Variants in SPG11 observed in about 807,000 individuals in gnomAD.
SPG11 encodes spatacsin.
A neutral mutation model predicts 274.0 loss-of-function variants in SPG11; 222 were observed. That is an observed-to-expected ratio of 0.81 (90% CI 0.73 to 0.91). The LOEUF (loss-of-function observed/expected upper bound fraction) is 0.91. Ranked by LOEUF, SPG11 falls within the 40% of genes least tolerant of loss-of-function variation. SPG11 has a pLI of 0.00. For missense variants in SPG11, 3,114 were observed against 2,872.7 expected, an observed-to-expected ratio of 1.08 and a Z score of -1.92; for synonymous variants, 1,144 against 1,039.7, an observed-to-expected ratio of 1.10 and a Z score of -1.93.
chr15:44,653,707 A>G (rs1364665540), intron 4 of SPG11, among the ~76,000 whole-genome samples: 1 of 152,168 alleles, frequency 6.6e-6, no homozygotes, highest in African/African-American at 2.4e-5. Flanking sequence ...CTGGATGTGG[A>G]TCTAATACCA....
rs781557927 is a variant in SPG11 at position 44,573,578 on chromosome 15, T to C, written c.6174A>G (p.Thr2058=). ...TVAELVAEEV[T]RELLTSSQGT... ...CCTGTGATGAAGTAAGCAGCTCCCG[T>C]GTCACCTCTTCTGCCACGAGTTCAG... The change falls in exon 32 of 40, where the codon ACA becomes ACG. Residue 2058 remains threonine (T), a synonymous_variant. Coordinates refer to ENST00000261866, the MANE Select transcript of SPG11 (RefSeq NM_025137.4). 6.2e-7 allele frequency: 1 copy of C among 1,614,164 alleles called. No homozygotes were observed. The highest frequency in any genetic ancestry group is 2.2e-5 in the East Asian group (1 of 44,876).
At position 44,564,697 on chromosome 15, in the gene SPG11, G is replaced by A. The variant is rs566449829; in HGVS notation, c.7001C>T (p.Ala2334Val). The A allele has an allele frequency of 6.2e-7, 1 of 1,614,114 alleles. No homozygotes were observed. The highest frequency in any genetic ancestry group is 1.3e-5 in the African/African-American group (1 of 75,030). ...CILALPRFYQ[A>V]SIVAEAYDFV... Reference sequence around the variant, plus strand: ...ATCGTAGGCCTCAGCCACAATAGAAGCCTTAAAAGGAGAGGTGAAGAAGGA... The same window carrying A: ...ATCGTAGGCCTCAGCCACAATAGAAACCTTAAAAGGAGAGGTGAAGAAGGA... The change falls in exon 39 of 40, where the codon GCT becomes GTT. Residue 2334 changes from alanine to valine, a missense_variant and splice_region_variant. By Grantham distance (64) the Ala-to-Val change is moderately conservative. Transcript: ENST00000261866.
chr15:44,567,929 A>G (rs1287407227), intron 35 of SPG11, among the ~76,000 whole-genome samples: 1 of 152,234 alleles, frequency 6.6e-6, no homozygotes. Context: ...ATTTAATAGC[A>G]AACAATGAGA....
chr15:44,629,405 G>T lies in SPG11; in HGVS notation c.1736-17C>A. ...CTTCCACATCTGAGAAAGAACCAAA[G>T]AAATTAACATAAAGAACACCAGGAT... On this transcript the variant is annotated splice_polypyrimidine_tract_variant and intron_variant, in intron 8 of 39. Transcript: ENST00000261866. The T allele has an allele frequency of 6.2e-7, 1 of 1,612,744 alleles. No individual in the cohort carries two copies. The highest frequency in any genetic ancestry group is 1.1e-5 in the South Asian group (1 of 91,022).
At chr15:44,621,493 AAC>A (rs2083749793) in intron 14 of SPG11, 1 of 436,162 alleles carries the variant, frequency 2.3e-6, no homozygotes, top group South Asian at 2.2e-5. Flanking sequence ...TATTTGAAAA[AAC>A]AGATTGTCAC....
chr15:44,663,326 G>C, intron 1 of SPG11, 65 bp downstream of exon 1: 1 of 1,563,434 alleles, frequency 6.4e-7, no homozygotes, highest in Non-Finnish European at 8.7e-7. Flanking sequence ...TGAGCCCTTG[G>C]GGCTCAGTCA....
At chr15:44,576,580 T>C (rs2082543656) in intron 30 of SPG11, among the ~76,000 whole-genome samples, 2 of 148,994 alleles carry the variant, frequency 1.3e-5, no homozygotes, top group South Asian at 2.1e-4. Context: ...ACCCGGGAGG[T>C]GGAGCTTGCA....
At chr15:44,610,419 G>A (rs1595878089) in intron 18 of SPG11, among the ~76,000 whole-genome samples, 4 of 152,116 alleles carry the variant, frequency 2.6e-5, no homozygotes, top group Admixed American at 2.6e-4. Context: ...GTCCCGCTCT[G>A]TTGCCCAGGC....
At chr15:44,635,451 TAAAA>T (rs1463389082) in intron 7 of SPG11, among the ~76,000 whole-genome samples, 2 of 150,758 alleles carry the variant, frequency 1.3e-5, no homozygotes, top group Non-Finnish European at 3.0e-5. Context: ...TAAAAAAAAT[TAAAA>T]AGTAGCTGGG....
chr15:44,602,281 T>C (rs2083212263), intron 20 of SPG11, among the ~76,000 whole-genome samples: 1 of 152,184 alleles, frequency 6.6e-6, no homozygotes, highest in African/African-American at 2.4e-5. Context: ...TGGGCATCCT[T>C]GTCTTATTTC....
At chr15:44,573,227 T>G (rs2082460596) in intron 32 of SPG11, 4 of 530,008 alleles carry the variant, frequency 7.5e-6, no homozygotes, top group African/African-American at 1.9e-5. Context: ...CCTCGTGATC[T>G]GCCAGCCTTG....
chr15:44,658,995 C>T, intron 3 of SPG11, 84 bp downstream of exon 3: 2 of 1,352,954 alleles, frequency 1.5e-6, no homozygotes, highest in South Asian at 1.2e-5. Context: ...ATCCCAGCTC[C>T]CAAAACTAAA....
chr15:44,593,938 T>G (rs1412224858), intron 26 of SPG11, among the ~76,000 whole-genome samples: 3 of 150,716 alleles, frequency 2.0e-5, no homozygotes, highest in African/African-American at 7.3e-5. Flanking sequence ...TCTTTTTTTT[T>G]TTTGTATTTT....
chr15:44,638,503 C>G (rs955700038), intron 7 of SPG11, among the ~76,000 whole-genome samples: 1 of 142,916 alleles, frequency 7.0e-6, no homozygotes, highest in East Asian at 2.0e-4. Flanking sequence ...CCACAAAACC[C>G]CCCCCCCCAA....
chr15:44,652,254 T>C lies in SPG11; in HGVS notation c.882A>G (p.Gly294=), dbSNP rs753132861. 5 of 1,613,946 alleles carry C rather than the reference T, an allele frequency of 3.1e-6. No homozygotes were observed. In the African/African-American group the frequency reaches 6.7e-5, roughly 22 times the overall value. ...CTAGTATTCTTTCACACAGTAGGTGTCCTGGGTGTTGCCTACATTTAAAAA... is the reference window on the plus strand; with the variant it reads ...CTAGTATTCTTTCACACAGTAGGTGCCCTGGGTGTTGCCTACATTTAAAAA... ...NLNLYFRQHP[G]HLLCERILED... is the part of the protein sequence containing the mutation. Residue 294 remains glycine (G), a synonymous_variant, in exon 5 of 40, where the codon GGA becomes GGG. Transcript: ENST00000261866.
chr15:44,609,306 T>G (rs1413710383), intron 18 of SPG11, among the ~76,000 whole-genome samples: 1 of 151,888 alleles, frequency 6.6e-6, no homozygotes, highest in Non-Finnish European at 1.5e-5. Flanking sequence ...TAATTTTTTT[T>G]TTTTGTATTT....
At chr15:44,605,935 C>A in intron 20 of SPG11, 90 bp downstream of exon 20, 1 of 1,126,676 alleles carries the variant, frequency 8.9e-7, no homozygotes. Context: ...AAATAAAAAT[C>A]AATGAGAAAA....
rs765215516 is a variant in SPG11, at chr15:44,581,114, CAAT to C, written c.5866+2697_5866+2699del. ...AATAGGCACTGTTTATATAGATGAACAATGATTCAACTGACTGCAGATTTTTCA... is the reference window on the plus strand; with the variant it reads ...AATAGGCACTGTTTATATAGATGAACGATTCAACTGACTGCAGATTTTTCA... On this transcript the variant is annotated intron_variant, in intron 30 of 39. Transcript: ENST00000261866. Among the ~76,000 whole-genome samples the C allele has an allele frequency of 4.6e-5, 7 of 152,142 alleles. 1 individual carries two copies. Among genetic ancestry groups the C allele is most frequent in the Admixed American group, 1.3e-4 (2 of 15,290 alleles).
intron 7 of SPG11, among the ~76,000 whole-genome samples, chr15:44,641,990 C>T (rs916431876): frequency 1.7e-4 from 24 of 144,674 alleles, no homozygotes; most frequent in African/African-American, 4.6e-4. Context: ...CAGTGGGATA[C>T]GATACAGAGG....
Sources: gnomAD v4.1 joint callset for allele counts (sites outside exome capture counted in the v4.1 genomes callset) on GRCh38, gnomAD v4.1.1 for gene constraint, MANE v1.5 for transcripts, NCBI Gene and HGNC (gene_info 2026-07-23, HGNC 2026-07-21) for gene names.